The following ANXA8 variants were observed in gnomAD, a reference collection of about 807,000 sequenced individuals.
ANXA8 encodes the protein VAC-beta.
A neutral mutation model predicts 26.8 loss-of-function variants in ANXA8; 9 were observed. That is an observed-to-expected ratio of 0.34 (90% CI 0.20 to 0.59). ANXA8 has a LOEUF of 0.59. ANXA8 is among the 20% of genes least tolerant of loss of function. The pLI is 0.84. For missense variants in ANXA8, 83 were observed against 238.5 expected (o/e 0.35, Z 4.29); for synonymous variants, 39 against 94.8 (o/e 0.41, Z 3.42).
At chr10:47,737,478 C>T in the ANXA8 span, among the ~76,000 whole-genome samples, 121 of 151,646 alleles carry the variant, frequency 8.0e-4, 2 homozygotes, top group African/African-American at 2.7e-3. Context: ...AATTATTATT[C>T]CTGCTAGCAT....
At chr10:47,618,874 A>G in the ANXA8 span, among the ~76,000 whole-genome samples, 2 of 114,818 alleles carry the variant, frequency 1.7e-5, no homozygotes, top group South Asian at 2.7e-4. Flanking sequence ...GGCCTTAGGT[A>G]TCTTACTCTC....
the ANXA8 span, among the ~76,000 whole-genome samples, chr10:47,513,622 C>T: frequency 2.3e-4 from 32 of 140,130 alleles, 7 homozygotes; most frequent in African/African-American, 8.0e-4. Context: ...CATGACATTA[C>T]CTGATTTCAA....
the ANXA8 span, among the ~76,000 whole-genome samples, chr10:47,962,733 T>C: frequency 1.4e-5 from 2 of 146,824 alleles, no homozygotes; most frequent in Admixed American, 6.9e-5. Flanking sequence ...CATGCATGTG[T>C]GTGCACACTC....
chr10:47,756,812 C>T, the ANXA8 span, among the ~76,000 whole-genome samples: 2 of 143,538 alleles, frequency 1.4e-5, no homozygotes, highest in East Asian at 2.3e-4. Flanking sequence ...CCCATTGAGT[C>T]GGGGGCTCTT....
At chr10:47,645,291 C>A in the ANXA8 span, among the ~76,000 whole-genome samples, 1 of 146,062 alleles carries the variant, frequency 6.8e-6, no homozygotes, top group Admixed American at 6.8e-5. Flanking sequence ...TTAATTTTAT[C>A]TTTTAAAATG....
the ANXA8 span, among the ~76,000 whole-genome samples, chr10:47,957,608 C>G: frequency 0.035 from 5,164 of 149,352 alleles, 521 homozygotes; most frequent in African/African-American, 0.12. Flanking sequence ...TAACAAATTG[C>G]CACAAACTTC....
At chr10:47,535,604 A>G in the ANXA8 span, among the ~76,000 whole-genome samples, 1 of 146,578 alleles carries the variant, frequency 6.8e-6, no homozygotes, top group African/African-American at 2.7e-5. Flanking sequence ...ATTTGTGTCT[A>G]CAACTTTTTT....
chr10:47,566,496 G>A, the ANXA8 span, among the ~76,000 whole-genome samples: 1 of 151,364 alleles, frequency 6.6e-6, no homozygotes, highest in Non-Finnish European at 1.5e-5. Context: ...GCCATAGGCT[G>A]GGGGAGCAGG....
At chr10:47,611,727 T>C in the ANXA8 span, among the ~76,000 whole-genome samples, 3 of 74,566 alleles carry the variant, frequency 4.0e-5, 1 homozygote, top group Admixed American at 2.8e-4. Context: ...AGGTTGCTTC[T>C]CAAATTTATG....
chr10:47,647,938 C>G, the ANXA8 span, among the ~76,000 whole-genome samples: 1 of 151,950 alleles, frequency 6.6e-6, no homozygotes, highest in South Asian at 2.1e-4. Context: ...CACATACGGA[C>G]TTCCTCAGAA....
the ANXA8 span, among the ~76,000 whole-genome samples, chr10:47,882,043 C>CA: frequency 7.4e-5 from 11 of 148,660 alleles, no homozygotes; most frequent in Admixed American, 3.3e-4. Flanking sequence ...TGGGCACACA[C>CA]AAGGGCCCTG....
the ANXA8 span, among the ~76,000 whole-genome samples, chr10:47,763,927 C>T: frequency 6.6e-6 from 1 of 151,978 alleles, no homozygotes; most frequent in African/African-American, 2.4e-5. Flanking sequence ...GTCCTAGGGG[C>T]CAGTCAGTGT....
chr10:47,502,294 C>A, the ANXA8 span: 8 of 1,601,212 alleles, frequency 5.0e-6, no homozygotes, highest in African/African-American at 6.9e-5. Flanking sequence ...CACCTCCTCA[C>A]GGGAGCCATG....
At chr10:47,675,005 G>A in the ANXA8 span, among the ~76,000 whole-genome samples, 1 of 146,306 alleles carries the variant, frequency 6.8e-6, no homozygotes. Context: ...ATATTTTTCT[G>A]TCTCAATCCT....
chr10:47,649,878 T>G, the ANXA8 span, among the ~76,000 whole-genome samples: 1 of 147,750 alleles, frequency 6.8e-6, no homozygotes, highest in Non-Finnish European at 1.5e-5. Context: ...TGTAGGCATG[T>G]GCCACCACAT....
the ANXA8 span, chr10:47,763,126 C>T: frequency 3.0e-6 from 3 of 988,890 alleles, no homozygotes; most frequent in African/African-American, 5.2e-5. Context: ...AGCCGAGGCC[C>T]CTCCAGCCGC....
In ANXA8 at chr10:47,483,926, C is replaced by A. The variant is rs1839952976; in HGVS notation, c.8G>T (p.Trp3Leu). Residue 3 changes from tryptophan (W) to leucine (L), a missense_variant, in exon 1 of 12, where the codon TGG (tryptophan) becomes TTG (leucine). Physicochemically the swap from Trp to Leu is moderately conservative, Grantham distance 61 (BLOSUM62 -2). Around this residue, in one of 6 missense-constraint regions of ANXA8, gnomAD observed 7 missense variants for 85.9 expected, o/e 0.08. Transcript: ENST00000585281. ...GCTCCCACTTACCCAGGATTTCCAC[C>A]AGGCCATCTCTTTCACCTCGGGGGC... Reference protein sequence around the residue: MAWWKSWIEQEGV... With the variant: MALWKSWIEQEGV... The A allele has an allele frequency of 1.2e-6, 2 of 1,611,580 alleles. No individual in the cohort carries two copies.
chr10:47,655,867 A>T, the ANXA8 span, among the ~76,000 whole-genome samples: 1 of 151,852 alleles, frequency 6.6e-6, no homozygotes, highest in South Asian at 2.1e-4. Context: ...TTAAAAATAC[A>T]AAATTAGCTG....
chr10:47,937,546 A>G, the ANXA8 span, among the ~76,000 whole-genome samples: 1 of 142,192 alleles, frequency 7.0e-6, no homozygotes, highest in Admixed American at 7.0e-5. Context: ...GATTTGTTGC[A>G]CAGATTATTT....
Sources: gnomAD v4.1 joint callset for allele counts (sites outside exome capture counted in the v4.1 genomes callset) on GRCh38, gnomAD v4.1.1 for gene constraint, gnomAD v4.1.1 regional missense constraint, MANE v1.5 for transcripts, NCBI Gene and HGNC (gene_info 2026-07-23, HGNC 2026-07-21) for gene names.